CLCN4: variants seen among roughly 807,000 people sequenced by gnomAD.
The protein encoded by CLCN4 is Cl-/H+ antiporter 4.
A neutral mutation model predicts 41.7 loss-of-function variants in CLCN4; 1 was observed. That is an observed-to-expected ratio of 0.02 (90% confidence interval 0.01 to 0.11). CLCN4 has a LOEUF of 0.11. Ranked by LOEUF, CLCN4 falls within the 10% of genes least tolerant of loss-of-function variation. CLCN4 has a pLI of 1.00. For missense variants in CLCN4, 287 were observed against 661.0 expected (o/e 0.43, Z 6.20); for synonymous variants, 277 against 285.8 (o/e 0.97, Z 0.31).
rs1217917318 is a variant in CLCN4 at position 10,208,053 on chromosome X, C to T, written c.852C>T (p.Tyr284=). The T allele has an allele frequency of 8.3e-7, 1 of 1,205,958 alleles. No individual in the cohort carries two copies. The highest frequency in any genetic ancestry group is 3.0e-5 in the East Asian group (1 of 33,758). ...CCACTTTTTCATCTCAGGTCAGTTA[C>T]TACTTTCCCCTGAAGACCTTGTGGA... The part of the protein sequence containing the change: ...GVLFSLEEVS[Y]YFPLKTLWRS... Residue 284 remains tyrosine (Y), a synonymous_variant, in exon 9 of 13, where the codon TAC becomes TAT. Coordinates refer to ENST00000380833, the MANE Select transcript of CLCN4 (RefSeq NM_001830.4).
At chrX:10,167,126 A>G (rs1370700238) in intron 2 of CLCN4, among the ~76,000 whole-genome samples, 2 of 112,260 alleles carry the variant, frequency 1.8e-5, no homozygotes, top group African/African-American at 3.2e-5. Context: ...AAACAGGCAC[A>G]GTTTCTTTCT....
chrX:10,184,991 C>T, intron 2 of CLCN4, 31 bp from the exon 3 acceptor site: 1 of 1,158,268 alleles, frequency 8.6e-7, no homozygotes, highest in East Asian at 3.0e-5. Flanking sequence ...ATGTCCTGCT[C>T]ATGTCTTTAA....
intron 2 of CLCN4, among the ~76,000 whole-genome samples, chrX:10,179,611 C>T (rs1236884803): frequency 1.8e-5 from 2 of 111,519 alleles, no homozygotes; most frequent in African/African-American, 3.3e-5. Context: ...CTGAACAGAA[C>T]TGGAGTCCAT....
chrX:10,185,558 C>T (rs1433480755), intron 3 of CLCN4, among the ~76,000 whole-genome samples: 2 of 112,204 alleles, frequency 1.8e-5, no homozygotes, highest in East Asian at 5.6e-4. Context: ...TAATGGACCA[C>T]AATGGTTATC....
At chrX:10,216,918 T>TACACACACAC (rs1555977626) in intron 11 of CLCN4, among the ~76,000 whole-genome samples, 1,487 of 38,897 alleles carry the variant, frequency 0.038, 63 homozygotes, top group Non-Finnish European at 0.043. Flanking sequence ...TATATATATA[T>TACACACACAC]ACACACACAC....
chrX:10,181,332 G>GCA, intron 2 of CLCN4, among the ~76,000 whole-genome samples: 1 of 107,194 alleles, frequency 9.3e-6, no homozygotes, highest in Admixed American at 1.0e-4. Context: ...GCACTCTACT[G>GCA]TGGGTGACAG....
chrX:10,180,707 C>T (rs7054996), intron 2 of CLCN4, among the ~76,000 whole-genome samples: 2,794 of 85,625 alleles, frequency 0.033, 94 homozygotes, highest in African/African-American at 0.1. Flanking sequence ...GCGGAGGTTG[C>T]GGTGAGCTGA....
At chrX:10,181,783 CT>C (rs1923692068) in intron 2 of CLCN4, among the ~76,000 whole-genome samples, 1 of 111,951 alleles carries the variant, frequency 8.9e-6, no homozygotes, top group Non-Finnish European at 1.9e-5. Flanking sequence ...TTACAGATCC[CT>C]GTTCTGAGAG....
Position 10,158,408 on chromosome X carries a change from C to G in CLCN4, c.-155C>G. 2 of 297,468 alleles carry G rather than the reference C, an allele frequency of 6.7e-6. No homozygotes were observed. The highest frequency in any genetic ancestry group is 9.5e-5 in the East Asian group (2 of 21,035). 24.5% of individuals were successfully genotyped at this position (297,468 alleles called of 1,213,427 possible). On this transcript the variant is annotated 5_prime_UTR_variant, in exon 2 of 13. Transcript: ENST00000380833. ...TCTTCCCCCCACCCCGCGCACACCT[C>G]CCTGCCTCGCCCCGAGGGCGTCACG...
At chrX:10,212,375 A>G in intron 9 of CLCN4, 92 bp from the exon 10 acceptor site, 1 of 905,054 alleles carries the variant, frequency 1.1e-6, no homozygotes, top group African/African-American at 2.0e-5. Context: ...AGCTAAATGC[A>G]AGCCCGTCGA....
At chrX:10,161,803 G>A (rs1393064284) in intron 2 of CLCN4, among the ~76,000 whole-genome samples, 1 of 110,946 alleles carries the variant, frequency 9.0e-6, no homozygotes, top group Non-Finnish European at 1.9e-5. Context: ...CTTCCACCAT[G>A]AGGGTGTAAA....
chrX:10,189,622 C>T (rs775234396), intron 4 of CLCN4, among the ~76,000 whole-genome samples: 1 of 112,199 alleles, frequency 8.9e-6, no homozygotes, highest in South Asian at 3.7e-4. Context: ...TTTGAAGGGA[C>T]AGCCAGAGAG....
intron 6 of CLCN4, among the ~76,000 whole-genome samples, chrX:10,204,690 TG>T (rs1924333699): frequency 2.1e-5 from 2 of 95,052 alleles, no homozygotes; most frequent in South Asian, 6.5e-4. Context: ...ACTTGGCTCG[TG>T]GGTCATACAA....
intron 2 of CLCN4, among the ~76,000 whole-genome samples, chrX:10,176,217 C>T (rs965745476): frequency 1.7e-4 from 19 of 112,322 alleles, no homozygotes; most frequent in African/African-American, 6.2e-4. Flanking sequence ...GCTGGTAGCT[C>T]TGGTGCCTTG....
Position 10,162,013 on chromosome X carries a change from CTTT to C in CLCN4, c.-12+3482_-12+3484del, listed in dbSNP as rs34007951. Among the ~76,000 whole-genome samples, 21 of 61,539 alleles carry C rather than the reference CTTT, an allele frequency of 3.4e-4. No homozygotes were observed. The East Asian group carries it at 3.7e-3, about 11-fold the overall frequency. The allele number at this position is 61,539 out of a possible 115,157, so 53.4% of individuals were successfully genotyped here. A position where few individuals can be genotyped will look rare whatever the true frequency, so the allele number is the denominator to read the frequency against. ...GCAGACCCTTCAGGCCCAGTTGAGT[CTTT>C]TTTTTTTTTTTTTTTTTTTGAGACA... On this transcript the variant is annotated intron_variant, in intron 2 of 12. Coordinates refer to ENST00000380833, the MANE Select transcript of CLCN4 (RefSeq NM_001830.4).
rs1358688910 is a variant in CLCN4 at position 10,236,978 on chromosome X, T to G, written c.*3394T>G. On this transcript the variant is annotated 3_prime_UTR_variant, in exon 13 of 13. Transcript: ENST00000380833. ...TAGTGCATCCCCTGCGATTGCATGA[T>G]GCTCATGTGGCTTTTAGGGAAAGGC... 2.7e-5 allele frequency: 3 copies of G among 112,278 alleles called. No homozygotes were observed. Among genetic ancestry groups the G allele is most frequent in the Non-Finnish European group, 5.6e-5 (3 of 53,289 alleles). The allele number at this position is 112,278 out of a possible 1,213,427, so 9.3% of individuals were successfully genotyped here. A position where few individuals can be genotyped will look rare whatever the true frequency, so the allele number is the denominator to read the frequency against.
chrX:10,181,339 A>G (rs192134182), intron 2 of CLCN4, among the ~76,000 whole-genome samples: 1,241 of 106,117 alleles, frequency 0.012, 23 homozygotes, highest in African/African-American at 0.041. Context: ...ACTGTGGGTG[A>G]CAGAGTGAGA....
At chrX:10,169,803 T>C (rs182103653) in intron 2 of CLCN4, among the ~76,000 whole-genome samples, 462 of 99,087 alleles carry the variant, frequency 4.7e-3, no homozygotes, top group Non-Finnish European at 7.7e-3. Context: ...TTTTTTTTTT[T>C]TTTGAGATAG....
intron 2 of CLCN4, among the ~76,000 whole-genome samples, chrX:10,182,562 A>G (rs1275620532): frequency 8.9e-6 from 1 of 112,602 alleles, no homozygotes; most frequent in African/African-American, 3.2e-5. Flanking sequence ...AGTAGCTGGG[A>G]CTACAGGTGC....
Sources: gnomAD v4.1 joint callset for allele counts (sites outside exome capture counted in the v4.1 genomes callset) on GRCh38, gnomAD v4.1.1 for gene constraint, MANE v1.5 for transcripts, NCBI Gene and HGNC (gene_info 2026-07-23, HGNC 2026-07-21) for gene names.